IFT43: variants seen among roughly 807,000 people sequenced by gnomAD.
IFT43 encodes the protein intraflagellar transport protein 43 homolog.
In IFT43, 33 loss-of-function variants were observed where a neutral mutation model predicts 32.3. That is an observed-to-expected ratio of 1.02 (90% CI 0.77 to 1.37). The LOEUF (loss-of-function observed/expected upper bound fraction) is 1.37, where lower values mean the gene tolerates loss of function less well. Among genes scored for constraint, IFT43 ranks in the 40% most tolerant of loss-of-function variants. The pLI, the probability that IFT43 is intolerant of heterozygous loss-of-function variation, is 0.00. For missense variants in IFT43, 274 were observed against 265.9 expected, an observed-to-expected ratio of 1.03 and a Z score of -0.21; for synonymous variants, 93 against 98.2, an observed-to-expected ratio of 0.95 and a Z score of 0.31.
At chr14:76,045,658 C>G (rs2036794591) in intron 3 of IFT43, among the ~76,000 whole-genome samples, 1 of 152,184 alleles carries the variant, frequency 6.6e-6, no homozygotes, top group African/African-American at 2.4e-5. Flanking sequence ...CATGCTCGTG[C>G]CTCCTGGTTG....
Position 76,056,851 on chromosome 14 carries a change from C to T in IFT43, c.216-1791C>T, listed in dbSNP as rs142437274. Among the ~76,000 whole-genome samples the T allele has an allele frequency of 3.6e-3, 546 of 152,336 alleles. 3 individuals are homozygous for T. Among genetic ancestry groups the T allele is most frequent in the South Asian group, 7.1e-3 (34 of 4,822 alleles). ...AGGTGGCTTTGATGGCTACTGGGTGCTCTTCCTTTAGGATTCCGTTTACTT... is the reference window on the plus strand; with the variant it reads ...AGGTGGCTTTGATGGCTACTGGGTGTTCTTCCTTTAGGATTCCGTTTACTT... On this transcript the variant is annotated intron_variant, in intron 3 of 8. Coordinates refer to ENST00000314067, the MANE Select transcript of IFT43 (RefSeq NM_001102564.3).
chr14:76,059,111 T>A (rs2037081690), intron 4 of IFT43: 1 of 1,467,772 alleles, frequency 6.8e-7, no homozygotes, highest in African/African-American at 1.4e-5. Context: ...TCATAGCCTC[T>A]GTGATGCTGT....
At chr14:76,043,769 G>C (rs914453332) in intron 3 of IFT43, among the ~76,000 whole-genome samples, 4 of 152,212 alleles carry the variant, frequency 2.6e-5, no homozygotes, top group Non-Finnish European at 5.9e-5. Flanking sequence ...CTAGCTGGCT[G>C]TTCTACAGTT....
At chr14:76,060,788 G>A (rs987507463) in intron 5 of IFT43, among the ~76,000 whole-genome samples, 1 of 151,088 alleles carries the variant, frequency 6.6e-6, no homozygotes, top group Non-Finnish European at 1.5e-5. Flanking sequence ...ATTGTCTTTG[G>A]CCTTCTTTCT....
intron 2 of IFT43, among the ~76,000 whole-genome samples, chr14:76,002,649 A>G (rs1461691188): frequency 6.6e-6 from 1 of 152,200 alleles, no homozygotes; most frequent in Non-Finnish European, 1.5e-5. Flanking sequence ...CAAATGCCCA[A>G]ATTTTTGGTC....
At chr14:76,016,544 T>G (rs2036191797) in intron 2 of IFT43, among the ~76,000 whole-genome samples, 1 of 152,172 alleles carries the variant, frequency 6.6e-6, no homozygotes, top group Non-Finnish European at 1.5e-5. Context: ...TTCAGGCCCT[T>G]TTGTGGTCCC....
intron 5 of IFT43, among the ~76,000 whole-genome samples, chr14:76,074,998 T>C (rs760406688): frequency 3.9e-5 from 6 of 152,144 alleles, no homozygotes; most frequent in Admixed American, 1.3e-4. Context: ...TCAGGAGAGA[T>C]TCAGTTTGGA....
intron 2 of IFT43, among the ~76,000 whole-genome samples, chr14:76,008,069 G>A (rs527239674): frequency 5.3e-5 from 8 of 152,300 alleles, no homozygotes; most frequent in African/African-American, 1.9e-4. Context: ...TATAGGTTAT[G>A]TGTGAACATT....
In IFT43 at chr14:76,083,633, G is replaced by A; in HGVS notation, c.*56G>A. On this transcript the variant is annotated 3_prime_UTR_variant, in exon 9 of 9. Transcript: ENST00000314067. The stretch of plus-strand genomic sequence containing the variant: ...ATGCAATGAGCTTAAAGCTAAAGAA[G>A]CTTGTAAGCAGCTCCGAATTTTTAC... 1.3e-6 allele frequency: 2 copies of A among 1,574,832 alleles called. No individual in the cohort carries two copies. Among genetic ancestry groups the A allele is most frequent in the Non-Finnish European group, 1.7e-6 (2 of 1,149,102 alleles).
chr14:76,049,025 G>T (rs1437574540), intron 3 of IFT43, among the ~76,000 whole-genome samples: 1 of 152,276 alleles, frequency 6.6e-6, no homozygotes, highest in East Asian at 1.9e-4. Flanking sequence ...GTTACTAGAA[G>T]GAAATCTTTA....
At chr14:75,999,263 ATATATATATGTATATATATTTT>A (rs1353139984) in intron 2 of IFT43, among the ~76,000 whole-genome samples, 14 of 24,560 alleles carry the variant, frequency 5.7e-4, no homozygotes, top group African/African-American at 1.0e-3. Flanking sequence ...ATATATATAT[ATATATATATGTATATATATTTT>A]TTTTTTTTTT....
intron 2 of IFT43, among the ~76,000 whole-genome samples, chr14:76,006,854 CAT>C (rs1491136343): frequency 2.7e-4 from 38 of 138,852 alleles, no homozygotes; most frequent in African/African-American, 1.0e-3. Context: ...TTACTGGGGA[CAT>C]TTTTTTTTTT....
rs757008308 is a variant in IFT43, at chr14:76,022,366, T to C, written c.187T>C (p.Trp63Arg). ...ATTACCTCGCTGCCGACAGGGAGGCTGGGCAGGTGATTCCGTGAAGGCTTC... is the reference window on the plus strand; with the variant it reads ...ATTACCTCGCTGCCGACAGGGAGGCCGGGCAGGTGATTCCGTGAAGGCTTC... The part of the protein sequence containing the change: ...AKLPRCRQGG[W>R]AGDSVKASKF... Residue 63 changes from tryptophan (W) to arginine (R), a missense_variant, in exon 3 of 9, where the codon TGG (tryptophan) becomes CGG (arginine). Trp to Arg is a moderately radical substitution (Grantham distance 101, BLOSUM62 -3). Transcript: ENST00000314067. 2 of 1,612,678 alleles carry C rather than the reference T, an allele frequency of 1.2e-6. No individual in the cohort carries two copies.
intron 2 of IFT43, among the ~76,000 whole-genome samples, chr14:75,999,224 ATT>A (rs1214019132): frequency 1.1e-4 from 13 of 115,026 alleles, no homozygotes; most frequent in East Asian, 7.3e-4. Context: ...ATATAAATTC[ATT>A]TTATATATAT....
At chr14:76,002,936 A>C (rs1013325066) in intron 2 of IFT43, among the ~76,000 whole-genome samples, 2 of 152,230 alleles carry the variant, frequency 1.3e-5, no homozygotes, top group African/African-American at 4.8e-5. Context: ...TGTGCTGTGA[A>C]TATAGAATAT....
intron 2 of IFT43, among the ~76,000 whole-genome samples, chr14:76,014,807 G>C (rs535054356): frequency 6.6e-6 from 1 of 152,102 alleles, no homozygotes; most frequent in South Asian, 2.1e-4. Context: ...TGCAAATTTT[G>C]GTGGAAGTGC....
At position 76,068,091 on chromosome 14, in the gene IFT43, G is replaced by A. The variant is rs1404660328; in HGVS notation, c.295+8718G>A. ...GACAACAGTTTAGTGGATGGCAAAGGCAGCAAATGGTCATTCCTGTGTTAG... is the reference window on the plus strand; with the variant it reads ...GACAACAGTTTAGTGGATGGCAAAGACAGCAAATGGTCATTCCTGTGTTAG... On this transcript the variant is annotated intron_variant, in intron 5 of 8. Coordinates refer to ENST00000314067, the MANE Select transcript of IFT43 (RefSeq NM_001102564.3). Among the ~76,000 whole-genome samples, 3 of 152,158 alleles carry A rather than the reference G, an allele frequency of 2.0e-5. No homozygotes were observed. The South Asian group carries it at 6.2e-4, about 32-fold the overall frequency.
chr14:76,036,757 C>T (rs563517631), intron 3 of IFT43, among the ~76,000 whole-genome samples: 1 of 151,744 alleles, frequency 6.6e-6, no homozygotes, highest in Non-Finnish European at 1.5e-5. Flanking sequence ...TCACCACCCC[C>T]CTATGTTTTC....
intron 3 of IFT43, among the ~76,000 whole-genome samples, chr14:76,032,109 G>A (rs1451021437): frequency 6.6e-6 from 1 of 152,098 alleles, no homozygotes; most frequent in African/African-American, 2.4e-5. Flanking sequence ...ATCTCGGTAA[G>A]TGGTGACTCT....
Sources: gnomAD v4.1 joint callset for allele counts (sites outside exome capture counted in the v4.1 genomes callset) on GRCh38, gnomAD v4.1.1 for gene constraint, MANE v1.5 for transcripts, NCBI Gene and HGNC (gene_info 2026-07-23, HGNC 2026-07-21) for gene names.